TRAP1: variants seen among roughly 807,000 people sequenced by gnomAD.
The protein encoded by TRAP1 is heat shock protein 75 kDa, mitochondrial.
In TRAP1, 102 loss-of-function variants were observed where a neutral mutation model predicts 89.1. The observed-to-expected ratio is 1.15, with a 90% CI of 0.98 to 1.35. TRAP1 has a LOEUF of 1.35. TRAP1 is among the 40% of genes most tolerant of loss of function. TRAP1 has a pLI of 0.00. For missense variants in TRAP1, 1,256 were observed against 945.3 expected, an observed-to-expected ratio of 1.33 and a Z score of -4.31; for synonymous variants, 508 against 388.0, an observed-to-expected ratio of 1.31 and a Z score of -3.64.
At chr16:3,710,857 G>GTATATATA (rs377592883) in intron 1 of TRAP1, among the ~76,000 whole-genome samples, 5 of 135,652 alleles carry the variant, frequency 3.7e-5, no homozygotes, top group Non-Finnish European at 1.5e-5. Flanking sequence ...ATGTGTGTGT[G>GTATATATA]TATATATATA....
intron 10 of TRAP1, 136 bp from the exon 11 acceptor site, chr16:3,671,927 C>A: frequency 1.1e-6 from 1 of 912,176 alleles, no homozygotes. Context: ...AGGGAGGCGG[C>A]ACTGCCGGAG....
chr16:3,674,253 T>C, intron 9 of TRAP1, 86 bp downstream of exon 9: 3 of 1,534,276 alleles, frequency 2.0e-6, no homozygotes, highest in Non-Finnish European at 1.8e-6. Flanking sequence ...CACACTGCCA[T>C]GTTAATCATG....
intron 10 of TRAP1, 65 bp from the exon 11 acceptor site, chr16:3,671,856 T>A (rs979783027): frequency 9.8e-6 from 15 of 1,537,522 alleles, no homozygotes; most frequent in African/African-American, 5.4e-5. Context: ...ACATTCCCCA[T>A]TAACCTGCCC....
chr16:3,688,444 C>T (rs1384344043), intron 3 of TRAP1, among the ~76,000 whole-genome samples: 4 of 152,154 alleles, frequency 2.6e-5, no homozygotes, highest in African/African-American at 9.6e-5. Flanking sequence ...ATCCAAAGCT[C>T]CACAGAGACG....
chr16:3,690,744 A>G lies in TRAP1; in HGVS notation c.247+83T>C, dbSNP rs1485966870. ...ACCTAAGGCGGTGGCTCTACCAATC[A>G]CTGCCTCCACCCTGAAAATGCCCCT... On this transcript the variant is annotated intron_variant, in intron 2 of 17. Coordinates refer to ENST00000246957, the MANE Select transcript of TRAP1 (RefSeq NM_016292.3). 2.3e-6 allele frequency: 3 copies of G among 1,298,754 alleles called. No homozygotes were observed. The African/African-American group carries it at 4.6e-5, about 20-fold the overall frequency. The allele number at this position is 1,298,754 out of a possible 1,614,324, so 80.5% of individuals were successfully genotyped here.
intron 7 of TRAP1, among the ~76,000 whole-genome samples, 158 bp downstream of exon 7, chr16:3,675,878 C>T (rs367882983): frequency 2.0e-5 from 3 of 152,338 alleles, no homozygotes; most frequent in East Asian, 1.9e-4. Flanking sequence ...GCAGCCCTGG[C>T]GGGCAGCCCC....
intron 2 of TRAP1, among the ~76,000 whole-genome samples, chr16:3,690,103 C>A (rs1285274165): frequency 6.6e-6 from 1 of 152,034 alleles, no homozygotes; most frequent in Non-Finnish European, 1.5e-5. Flanking sequence ...ACTTCCTGGG[C>A]TCAACCGATT....
At chr16:3,701,371 A>G (rs935553639) in intron 1 of TRAP1, among the ~76,000 whole-genome samples, 3 of 152,112 alleles carry the variant, frequency 2.0e-5, no homozygotes, top group African/African-American at 4.8e-5. Context: ...TCCTCTCTCA[A>G]TAACTGACAG....
intron 1 of TRAP1, among the ~76,000 whole-genome samples, chr16:3,707,714 A>C (rs2051468450): frequency 6.6e-6 from 1 of 151,414 alleles, no homozygotes; most frequent in Admixed American, 6.6e-5. Flanking sequence ...ATTAGCTGGG[A>C]GTCGCAGCGG....
At chr16:3,660,070 C>T (rs1484484530) in intron 16 of TRAP1, 7 of 152,192 alleles carry the variant, frequency 4.6e-5, no homozygotes, top group African/African-American at 1.7e-4. Flanking sequence ...CATTTCTAGT[C>T]TACGTAGCTG....
At chr16:3,665,692 C>A (rs183231182) in intron 12 of TRAP1, among the ~76,000 whole-genome samples, 2 of 152,196 alleles carry the variant, frequency 1.3e-5, no homozygotes, top group African/African-American at 4.8e-5. Context: ...AGTGTGTGCA[C>A]GCCCTCTTCC....
chr16:3,669,417 C>T (rs1262696314), intron 11 of TRAP1, among the ~76,000 whole-genome samples: 3 of 152,268 alleles, frequency 2.0e-5, no homozygotes, highest in East Asian at 1.9e-4. Context: ...CTGAGGCCCC[C>T]TTTTCATTGA....
chr16:3,662,576 G>T, intron 15 of TRAP1: 1 of 602,524 alleles, frequency 1.7e-6, no homozygotes, highest in South Asian at 1.6e-5. Context: ...GGCTGGGGTA[G>T]CATGTCCCTT....
chr16:3,664,100 C>T lies in TRAP1; in HGVS notation c.1569+174G>A, dbSNP rs2050764679. ...AACAAACAAAAAAAACCACATGTGA[C>T]CTCCAAGTGGGAAACAGCCGTCACA... On this transcript the variant is annotated intron_variant, in intron 13 of 17. Coordinates refer to ENST00000246957, the MANE Select transcript of TRAP1 (RefSeq NM_016292.3). 6.2e-6 allele frequency: 4 copies of T among 646,970 alleles called. No individual in the cohort carries two copies. The South Asian group carries it at 1.1e-4, about 17-fold the overall frequency. The allele number at this position is 646,970 out of a possible 1,614,324, so 40.1% of individuals were successfully genotyped here.
intron 1 of TRAP1, among the ~76,000 whole-genome samples, chr16:3,715,375 T>C (rs1030757732): frequency 6.6e-6 from 1 of 151,996 alleles, no homozygotes; most frequent in East Asian, 1.9e-4. Context: ...GAGGCGGAGC[T>C]TGCAGTGAGC....
intron 1 of TRAP1, among the ~76,000 whole-genome samples, chr16:3,695,330 C>T (rs992479330): frequency 6.6e-6 from 1 of 151,990 alleles, no homozygotes; most frequent in African/African-American, 2.4e-5. Context: ...TACATCTTTT[C>T]GTATGTCTCT....
chr16:3,712,321 A>C (rs552203750), intron 1 of TRAP1, among the ~76,000 whole-genome samples: 1 of 123,558 alleles, frequency 8.1e-6, no homozygotes, highest in Non-Finnish European at 1.6e-5. Flanking sequence ...AAAAAAAAAG[A>C]TATGTCAGCA....
rs1230408756 is a variant in TRAP1 at position 3,658,823 on chromosome 16, C to T, written c.1983G>A (p.Glu661=). 6.2e-7 allele frequency: 1 copy of T among 1,613,980 alleles called. No individual in the cohort carries two copies. Residue 661 remains glutamate (E), a synonymous_variant, in exon 17 of 18, where the codon GAG becomes GAA. Transcript: ENST00000246957. Reference sequence around the variant, plus strand: ...CCACCAGCAGCTGAGCCAGGCCAGGCTCGCTTGCGCGCAGCTGATTCAGCT... The same window carrying T: ...CCACCAGCAGCTGAGCCAGGCCAGGTTCGCTTGCGCGCAGCTGATTCAGCT... ...IKKLNQLRAS[E]PGLAQLLVDQ... is the part of the protein sequence containing the mutation.
At chr16:3,677,836 G>T in intron 5 of TRAP1, 178 bp from the exon 6 acceptor site, 1 of 680,398 alleles carries the variant, frequency 1.5e-6, no homozygotes, top group Non-Finnish European at 2.4e-6. Flanking sequence ...TGACACATTA[G>T]CCCTAGGACA....
Sources: gnomAD v4.1 joint callset for allele counts (sites outside exome capture counted in the v4.1 genomes callset) on GRCh38, gnomAD v4.1.1 for gene constraint, MANE v1.5 for transcripts, NCBI Gene and HGNC (gene_info 2026-07-23, HGNC 2026-07-21) for gene names.